Variants in APBA1 observed in about 807,000 individuals in gnomAD.
APBA1 encodes amyloid-beta A4 precursor protein-binding family A member 1.
Under a neutral mutation model 86.6 loss-of-function variants are expected in APBA1, and 55 were observed. The ratio of observed to expected loss-of-function variants is 0.64; its 90% CI spans 0.51 to 0.80. The LOEUF is 0.80. Ranked by LOEUF, APBA1 falls within the 30% of genes least tolerant of loss-of-function variation. The pLI, the probability that APBA1 is intolerant of heterozygous loss-of-function variation, is 0.00. For synonymous variants in APBA1, 511 were observed against 493.9 expected (o/e 1.03, Z -0.46); for missense variants, 1,090 against 1,183.0 (o/e 0.92, Z 1.15).
chr9:69,539,411 C>T (rs1836562872), intron 1 of APBA1, among the ~76,000 whole-genome samples: 1 of 152,124 alleles, frequency 6.6e-6, no homozygotes, highest in African/African-American at 2.4e-5. Flanking sequence ...TCTTTTAATC[C>T]TTTTTTTCAT....
chr9:69,595,859 CTG>C (rs1366876181), intron 1 of APBA1, among the ~76,000 whole-genome samples: 3 of 152,190 alleles, frequency 2.0e-5, no homozygotes, highest in Non-Finnish European at 4.4e-5. Flanking sequence ...GGTTTTCAAA[CTG>C]TGTTCTACAG....
chr9:69,440,255 G>A lies in APBA1; in HGVS notation c.2301+741C>T, dbSNP rs546000732. ...AGGGACACACTTCAGGAGGCAGTCTGCCCATTCTCAGATCTCAAGCTGTGT... is the reference window on the plus strand; with the variant it reads ...AGGGACACACTTCAGGAGGCAGTCTACCCATTCTCAGATCTCAAGCTGTGT... On this transcript the variant is annotated intron_variant, in intron 11 of 12. Coordinates refer to ENST00000265381, the MANE Select transcript of APBA1 (RefSeq NM_001163.4). 1.7e-4 allele frequency among the ~76,000 whole-genome samples: 26 copies of A among 152,310 alleles called. 1 individual carries two copies. Among genetic ancestry groups the A allele is most frequent in the Admixed American group, 9.1e-4 (14 of 15,308 alleles).
At chr9:69,668,410 G>A (rs779380089) in intron 1 of APBA1, among the ~76,000 whole-genome samples, 5 of 151,894 alleles carry the variant, frequency 3.3e-5, no homozygotes, top group Non-Finnish European at 7.4e-5. Flanking sequence ...GATAATTCCC[G>A]CACACCACCT....
At chr9:69,531,186 T>C (rs1212085737) in intron 1 of APBA1, among the ~76,000 whole-genome samples, 2 of 152,156 alleles carry the variant, frequency 1.3e-5, no homozygotes, top group African/African-American at 2.4e-5. Context: ...CACTTCGAGT[T>C]TGACAGTTAC....
chr9:69,569,193 T>A (rs1213017608), intron 1 of APBA1, among the ~76,000 whole-genome samples: 3 of 152,154 alleles, frequency 2.0e-5, no homozygotes, highest in African/African-American at 7.2e-5. Flanking sequence ...GCATTTTTCA[T>A]TCAGGTGTGG....
intron 2 of APBA1, among the ~76,000 whole-genome samples, chr9:69,512,624 T>A (rs191234656): frequency 6.1e-4 from 93 of 152,322 alleles, no homozygotes; most frequent in South Asian, 3.9e-3. Flanking sequence ...AATAAAAGAT[T>A]TAGTTAAATC....
At chr9:69,523,794 A>G (rs1442261894) in intron 1 of APBA1, among the ~76,000 whole-genome samples, 4 of 151,966 alleles carry the variant, frequency 2.6e-5, no homozygotes, top group Non-Finnish European at 4.4e-5. Flanking sequence ...CTGCATGCAC[A>G]TGGAACATAC....
intron 1 of APBA1, among the ~76,000 whole-genome samples, chr9:69,559,476 T>C (rs1970017): frequency 0.55 from 83,878 of 152,050 alleles, 24,270 homozygotes; most frequent in East Asian, 0.83. Context: ...TGGAATCCTA[T>C]GGTGGGTACT....
chr9:69,600,886 C>G (rs551549811), intron 1 of APBA1, among the ~76,000 whole-genome samples: 1 of 150,594 alleles, frequency 6.6e-6, no homozygotes, highest in East Asian at 1.9e-4. Flanking sequence ...GATGTTAACT[C>G]ATCCTCCACC....
intron 1 of APBA1, among the ~76,000 whole-genome samples, chr9:69,671,619 G>A (rs537660110): frequency 6.6e-6 from 1 of 152,200 alleles, no homozygotes; most frequent in East Asian, 1.9e-4. Flanking sequence ...GCAACCACAC[G>A]CGTACACACA....
At position 69,430,375 on chromosome 9, in the gene APBA1, G is replaced by C. The variant is rs1290911794; in HGVS notation, c.*952C>G. On this transcript the variant is annotated 3_prime_UTR_variant, in exon 13 of 13. Coordinates refer to ENST00000265381, the MANE Select transcript of APBA1 (RefSeq NM_001163.4). Reference sequence around the variant, plus strand: ...GCTGGAGGGGCTGGGCCTCAGCGCAGAGAGGGCAGGTCTCTCAGGATGAGG... The same window carrying C: ...GCTGGAGGGGCTGGGCCTCAGCGCACAGAGGGCAGGTCTCTCAGGATGAGG... 6.6e-6 allele frequency: 1 copy of C among 152,270 alleles called. No individual in the cohort carries two copies. The highest frequency in any genetic ancestry group is 1.5e-5 in the Non-Finnish European group (1 of 68,116). 9.4% of individuals were successfully genotyped at this position (152,270 alleles called of 1,614,324 possible).
chr9:69,656,552 C>T (rs1823615799), intron 1 of APBA1, among the ~76,000 whole-genome samples: 1 of 152,162 alleles, frequency 6.6e-6, no homozygotes. Context: ...TAGTGGTTAC[C>T]TTTCTGAAAG....
At chr9:69,658,374 CTCTTTCTCTCTT>C (rs1357448735) in intron 1 of APBA1, among the ~76,000 whole-genome samples, 10 of 143,674 alleles carry the variant, frequency 7.0e-5, no homozygotes, top group Admixed American at 5.0e-4. Context: ...TTCTCTGTCT[CTCTTTCTCTCTT>C]TCTTTCTCTC....
chr9:69,621,360 C>A (rs1010574991), intron 1 of APBA1, among the ~76,000 whole-genome samples: 1 of 152,174 alleles, frequency 6.6e-6, no homozygotes, highest in Non-Finnish European at 1.5e-5. Flanking sequence ...GAAATTCCTG[C>A]CAAACCTGTG....
At chr9:69,520,817 T>A (rs149521325) in intron 1 of APBA1, among the ~76,000 whole-genome samples, 101 of 152,294 alleles carry the variant, frequency 6.6e-4, no homozygotes, top group African/African-American at 2.3e-3. Flanking sequence ...AACTCTTGGA[T>A]CAGTCTTGCT....
chr9:69,650,224 G>A (rs900509503), intron 1 of APBA1, among the ~76,000 whole-genome samples: 2 of 152,130 alleles, frequency 1.3e-5, no homozygotes, highest in African/African-American at 4.8e-5. Context: ...TGCAAAATGA[G>A]GATAACAACA....
chr9:69,446,385 T>C (rs1347232894), intron 10 of APBA1, among the ~76,000 whole-genome samples: 1 of 152,184 alleles, frequency 6.6e-6, no homozygotes, highest in African/African-American at 2.4e-5. Flanking sequence ...TCACTATGGG[T>C]GGCCACGAAA....
chr9:69,552,894 G>A (rs74381500), intron 1 of APBA1, among the ~76,000 whole-genome samples: 1,510 of 135,640 alleles, frequency 0.011, 26 homozygotes, highest in African/African-American at 0.038. Context: ...ATGAAATGGT[G>A]CCCTTTCTTG....
At chr9:69,672,608 G>A (rs1164238512), upstream of APBA1, 1 of 150,810 alleles carries the variant, frequency 6.6e-6, no homozygotes, top group Non-Finnish European at 1.5e-5. Context: ...CGGCTGCAGC[G>A]CCCCTGCCCC....
Sources: gnomAD v4.1 joint callset for allele counts (sites outside exome capture counted in the v4.1 genomes callset) on GRCh38, gnomAD v4.1.1 for gene constraint, MANE v1.5 for transcripts, NCBI Gene and HGNC (gene_info 2026-07-23, HGNC 2026-07-21) for gene names.